Variants in TOLLIP observed in about 807,000 individuals in gnomAD.
TOLLIP encodes the protein toll interacting protein, also known as toll-interacting protein.
A neutral mutation model predicts 33.5 loss-of-function variants in TOLLIP; 16 were observed. The observed-to-expected ratio is 0.48, with a 90% CI of 0.32 to 0.72. The LOEUF (loss-of-function observed/expected upper bound fraction) is 0.72, where lower values mean the gene tolerates loss of function less well. TOLLIP is among the 30% of genes least tolerant of loss of function. TOLLIP has a pLI of 0.03. For synonymous variants in TOLLIP, 176 were observed against 163.7 expected (o/e 1.07, Z -0.57); for missense variants, 325 against 396.6 (o/e 0.82, Z 1.53).
At position 1,295,665 on chromosome 11, in the gene TOLLIP, G is replaced by C. The variant is rs1271177024; in HGVS notation, c.163C>G (p.Leu55Val). The change falls in exon 2 of 6, where the codon CTG becomes GTG. Residue 55 changes from leucine (L) to valine (V), a missense_variant. By Grantham distance (32) the Leu-to-Val change is conservative. Transcript: ENST00000317204. ...CCCACCTGTACCACCGTGATGTTCA[G>C]TCGGCCCACGGTGCCCACTGCGCCT... Reference protein sequence around the residue: ...YGGAVGTVGRLNITVVQAKLA... With the variant: ...YGGAVGTVGRVNITVVQAKLA... The C allele has an allele frequency of 3.1e-6, 5 of 1,594,456 alleles. No homozygotes were observed. The highest frequency in any genetic ancestry group is 1.3e-5 in the African/African-American group (1 of 74,626).
At chr11:1,301,024 A>G (rs1246517287) in intron 1 of TOLLIP, among the ~76,000 whole-genome samples, 2 of 152,284 alleles carry the variant, frequency 1.3e-5, no homozygotes, top group Non-Finnish European at 2.9e-5. Flanking sequence ...CGCTAACGCC[A>G]GGTTAGCATA....
Position 1,290,385 on chromosome 11 carries a change from T to C in TOLLIP, c.208A>G (p.Met70Val), listed in dbSNP as rs375337623. 6.2e-7 allele frequency: 1 copy of C among 1,611,886 alleles called. No individual in the cohort carries two copies. Among genetic ancestry groups the C allele is most frequent in the Non-Finnish European group, 8.5e-7 (1 of 1,178,646 alleles). ...CGGCAGTAGGGGTCCATGCGGGTCA[T>C]GCCGTAATTCTTGGCCAACTTTGCC... ...VQAKLAKNYG[M>V]TRMDPYCRLR... is the part of the protein sequence containing the mutation. Residue 70 changes from methionine (M) to valine (V), a missense_variant, in exon 3 of 6, where the codon ATG becomes GTG. Transcript: ENST00000317204. The surrounding 1 kb of genome is among the most constrained non-coding windows in gnomAD (Gnocchi z 4.9).
chr11:1,277,631 C>T lies in TOLLIP; in HGVS notation c.611-378G>A, dbSNP rs1590203062. Among the ~76,000 whole-genome samples the T allele has an allele frequency of 6.6e-6, 1 of 152,218 alleles. No individual in the cohort carries two copies. The highest frequency in any genetic ancestry group is 1.5e-5 in the Non-Finnish European group (1 of 68,048). Reference sequence around the variant, plus strand: ...CACTGCACACGCTCGTCTTCACTGACCAGTGGGCTCACAGAGTCCTCTGCA... The same window carrying T: ...CACTGCACACGCTCGTCTTCACTGATCAGTGGGCTCACAGAGTCCTCTGCA... On this transcript the variant is annotated intron_variant, in intron 5 of 5. Transcript: ENST00000317204. The surrounding 1 kb of genome is among the most constrained non-coding windows in gnomAD (Gnocchi z 4.2).
intron 1 of TOLLIP, among the ~76,000 whole-genome samples, chr11:1,300,304 G>A (rs1005990626): frequency 3.9e-5 from 6 of 152,106 alleles, no homozygotes; most frequent in African/African-American, 9.7e-5. Flanking sequence ...GGATCACGAC[G>A]CAAGCCTGTG....
intron 1 of TOLLIP, among the ~76,000 whole-genome samples, chr11:1,302,400 G>T (rs1864308304): frequency 6.6e-6 from 1 of 152,216 alleles, no homozygotes; most frequent in Non-Finnish European, 1.5e-5. Flanking sequence ...ACGGCCAAGA[G>T]GGGAGCCCCG....
At chr11:1,292,965 G>A (rs1229295155) in intron 2 of TOLLIP, among the ~76,000 whole-genome samples, 1 of 152,238 alleles carries the variant, frequency 6.6e-6, no homozygotes, top group Non-Finnish European at 1.5e-5. Context: ...GCTGGAGCAG[G>A]CTCGGCAGGA....
intron 1 of TOLLIP, among the ~76,000 whole-genome samples, chr11:1,301,953 C>T (rs1407633835): frequency 2.0e-5 from 3 of 152,216 alleles, no homozygotes; most frequent in Non-Finnish European, 4.4e-5. Context: ...GCCCCAGACT[C>T]GGTCAGGGCC....
rs372163559 is a variant in TOLLIP, at chr11:1,290,340, C to T, written c.253G>A (p.Val85Met). The change falls in exon 3 of 6, where the codon GTG becomes ATG. Residue 85 changes from valine (V) to methionine (M), a missense_variant. By Grantham distance (21) the Val-to-Met change is conservative. Transcript: ENST00000317204. This position sits in a 1 kb window ranked among gnomAD's most constrained non-coding sequence, Gnocchi z 4.9. ...TTGTGTGCCGTGGGCGTCTCGTACA[C>T]CGCGTAGCCCAGGCGCAGTCGGCAG... ...PYCRLRLGYA[V>M]YETPTAHNGA... The T allele has an allele frequency of 1.4e-4, 227 of 1,613,474 alleles. No individual in the cohort carries two copies. Among genetic ancestry groups the T allele is most frequent in the Non-Finnish European group, 1.7e-4 (205 of 1,179,988 alleles).
At position 1,285,992 on chromosome 11, in the gene TOLLIP, G is replaced by C. The variant is rs1478858277; in HGVS notation, c.610+10C>G. 1 of 1,583,818 alleles carries C rather than the reference G, an allele frequency of 6.3e-7. No homozygotes were observed. The highest frequency in any genetic ancestry group is 1.8e-5 in the Admixed American group (1 of 54,200). ...CAGGGGAGAGGCACCCAGGGAGGGA[G>C]CACACGCACCTGTGATGGGCACATA... is the stretch of plus-strand genomic sequence containing the variant. On this transcript the variant is annotated intron_variant, in intron 5 of 5. Coordinates refer to ENST00000317204, the MANE Select transcript of TOLLIP (RefSeq NM_019009.4).
intron 1 of TOLLIP, among the ~76,000 whole-genome samples, chr11:1,304,634 G>A (rs1162610849): frequency 2.0e-5 from 3 of 152,190 alleles, no homozygotes; most frequent in African/African-American, 4.8e-5. Context: ...GGCAGCCTCC[G>A]GAGCCAGAGT....
At chr11:1,307,144 GTTGA>G (rs1405835953) in intron 1 of TOLLIP, among the ~76,000 whole-genome samples, 1 of 152,190 alleles carries the variant, frequency 6.6e-6, no homozygotes, top group Non-Finnish European at 1.5e-5. Flanking sequence ...GGTAGCGCTG[GTTGA>G]TTAAGTCACA....
chr11:1,297,647 C>A (rs540054599), intron 1 of TOLLIP, among the ~76,000 whole-genome samples: 2 of 152,372 alleles, frequency 1.3e-5, no homozygotes, highest in South Asian at 4.1e-4. Context: ...AGCCGTACTG[C>A]GAGAACAAGC....
intron 2 of TOLLIP, among the ~76,000 whole-genome samples, chr11:1,292,721 C>T (rs1214738380): frequency 6.6e-6 from 1 of 152,176 alleles, no homozygotes; most frequent in Non-Finnish European, 1.5e-5. Flanking sequence ...AGACGCACGT[C>T]AGACAGCAGA....
At chr11:1,296,683 T>C (rs1864121887) in intron 1 of TOLLIP, among the ~76,000 whole-genome samples, 1 of 121,674 alleles carries the variant, frequency 8.2e-6, no homozygotes, top group Non-Finnish European at 1.7e-5. Flanking sequence ...TGGAGTGGGG[T>C]GGAGGCCTGG....
rs772890199 is a variant in TOLLIP, at chr11:1,277,173, C to T, written c.691G>A (p.Glu231Lys). 5.6e-6 allele frequency: 9 copies of T among 1,611,524 alleles called. No homozygotes were observed. The highest frequency in any genetic ancestry group is 4.5e-5 in the East Asian group (2 of 44,818). ...AAVNAQPRCS[E>K]EDLKAIQDMF... ...TCCTGGATGGCTTTCAGGTCCTCCT[C>T]GCTACAGCGGGGCTGGGCGTTCACG... is the stretch of plus-strand genomic sequence containing the variant. Residue 231 changes from glutamate (E) to lysine (K), a missense_variant, in exon 6 of 6, where the codon GAG (glutamate) becomes AAG (lysine). Glu to Lys is a moderately conservative substitution (Grantham distance 56, BLOSUM62 1). Coordinates refer to ENST00000317204, the MANE Select transcript of TOLLIP (RefSeq NM_019009.4). The surrounding 1 kb of genome is among the most constrained non-coding windows in gnomAD (Gnocchi z 4.2).
chr11:1,295,737 G>T lies in TOLLIP; in HGVS notation c.91C>A (p.Arg31=), dbSNP rs745564863. Residue 31 remains arginine, a synonymous_variant, in exon 2 of 6, where the codon CGG becomes AGG. Transcript: ENST00000317204. The stretch of plus-strand genomic sequence containing the variant: ...GCCTGGGCGTCCAGCTGGACCTGCC[G>T]CTGCTGCTGTGTGGGCGTGATGCGG... ...FLRITPTQQQ[R]QVQLDAQAAQ... The T allele has an allele frequency of 1.9e-6, 3 of 1,609,272 alleles. No homozygotes were observed. Among genetic ancestry groups the T allele is most frequent in the Non-Finnish European group, 2.5e-6 (3 of 1,177,978 alleles).
Position 1,290,393 on chromosome 11 carries a change from T to C in TOLLIP, c.200A>G (p.Asn67Ser), listed in dbSNP as rs767522924. ...ITVVQAKLAKNYGMTRMDPYC... is the reference protein window; with the variant it reads ...ITVVQAKLAKSYGMTRMDPYC... The stretch of plus-strand genomic sequence containing the variant: ...GGGGTCCATGCGGGTCATGCCGTAA[T>C]TCTTGGCCAACTTTGCCTGGAATGA... The change falls in exon 3 of 6, where the codon AAT (asparagine) becomes AGT (serine). Residue 67 changes from asparagine to serine, a missense_variant. Coordinates refer to ENST00000317204, the MANE Select transcript of TOLLIP (RefSeq NM_019009.4). This position sits in a 1 kb window ranked among gnomAD's most constrained non-coding sequence, Gnocchi z 4.9. The C allele has an allele frequency of 6.2e-7, 1 of 1,611,272 alleles. No individual in the cohort carries two copies. Among genetic ancestry groups the C allele is most frequent in the Non-Finnish European group, 8.5e-7 (1 of 1,178,172 alleles).
rs1011640018 is a variant in TOLLIP at position 1,278,603 on chromosome 11, A to G, written c.611-1350T>C. ...TAGGCCAGGCCGACTCTTCCTCCAC[A>G]CCCACCCCTGCCTCCTCTGCTTCTC... On this transcript the variant is annotated intron_variant, in intron 5 of 5. Transcript: ENST00000317204. This position sits in a 1 kb window ranked among gnomAD's most constrained non-coding sequence, Gnocchi z 4.7. Among the ~76,000 whole-genome samples, 2 of 151,768 alleles carry G rather than the reference A, an allele frequency of 1.3e-5. No homozygotes were observed. The highest frequency in any genetic ancestry group is 2.4e-5 in the African/African-American group (1 of 41,276).
chr11:1,284,736 T>A (rs1863630089), intron 5 of TOLLIP, among the ~76,000 whole-genome samples: 1 of 152,206 alleles, frequency 6.6e-6, no homozygotes, highest in Non-Finnish European at 1.5e-5. Flanking sequence ...AAGGCAGCCC[T>A]GGCACCTGCG....
Sources: allele counts gnomAD v4.1 joint callset (sites outside exome capture counted in the v4.1 genomes callset), GRCh38; gene constraint gnomAD v4.1.1; non-coding constraint Gnocchi (gnomAD v3.1); transcripts MANE v1.5; gene names NCBI Gene and HGNC (gene_info 2026-07-23, HGNC 2026-07-21).